MYO5A: variants seen among roughly 807,000 people sequenced by gnomAD.
MYO5A encodes unconventional myosin-Va.
MYO5A carries 98 observed loss-of-function variants against 249.7 expected under a neutral mutation model. The ratio of observed to expected loss-of-function variants is 0.39; its 90% CI spans 0.33 to 0.46. The LOEUF (loss-of-function observed/expected upper bound fraction) is 0.46. Ranked by LOEUF, MYO5A falls within the 20% of genes least tolerant of loss-of-function variation. MYO5A has a pLI of 0.98. For synonymous variants in MYO5A, 778 were observed against 810.6 expected (o/e 0.96, Z 0.68); for missense variants, 1,696 against 2,308.8 (o/e 0.73, Z 5.44).
chr15:52,340,458 A>T, intron 31 of MYO5A, 64 bp from the exon 32 acceptor site: 8 of 1,381,258 alleles, frequency 5.8e-6, no homozygotes, highest in South Asian at 1.2e-5. Context: ...TAACGGGTGT[A>T]AGGCATCGTG....
Position 52,478,246 on chromosome 15 carries a change from C to T in MYO5A, c.28-44961G>A, listed in dbSNP as rs1375689616. Reference sequence around the variant, plus strand: ...ATATAATCTCGTGGTGTGCAGTTTGCTAAGAACGTTGGAAAAGTGCAGTAT... The same window carrying T: ...ATATAATCTCGTGGTGTGCAGTTTGTTAAGAACGTTGGAAAAGTGCAGTAT... On this transcript the variant is annotated intron_variant, in intron 1 of 41. Transcript: ENST00000399233. Among the ~76,000 whole-genome samples, 6 of 152,196 alleles carry T rather than the reference C, an allele frequency of 3.9e-5. No individual in the cohort carries two copies. The East Asian group carries it at 1.2e-3, about 29-fold the overall frequency.
chr15:52,499,575 A>C (rs2077111795), intron 1 of MYO5A, among the ~76,000 whole-genome samples: 1 of 152,194 alleles, frequency 6.6e-6, no homozygotes, highest in South Asian at 2.1e-4. Flanking sequence ...ATGTAAGTAG[A>C]ATCACACAGT....
intron 23 of MYO5A, among the ~76,000 whole-genome samples, chr15:52,365,398 G>T (rs76494383): frequency 7.9e-5 from 12 of 152,308 alleles, no homozygotes; most frequent in African/African-American, 2.9e-4. Flanking sequence ...GCTAGGACAT[G>T]ATCTGGAGAT....
intron 1 of MYO5A, chr15:52,505,240 T>C (rs967990595): frequency 1.7e-5 from 13 of 774,652 alleles, no homozygotes; most frequent in Non-Finnish European, 3.1e-5. Flanking sequence ...GCTCAATGAT[T>C]ACCTGACAGA....
At chr15:52,514,532 G>A (rs1055977823) in intron 1 of MYO5A, among the ~76,000 whole-genome samples, 4 of 152,200 alleles carry the variant, frequency 2.6e-5, no homozygotes, top group Non-Finnish European at 4.4e-5. Flanking sequence ...ATCAGAAGAA[G>A]GCAAAGTTGG....
chr15:52,346,781 T>C (rs999242177), intron 29 of MYO5A, among the ~76,000 whole-genome samples: 1 of 151,048 alleles, frequency 6.6e-6, no homozygotes, highest in African/African-American at 2.4e-5. Context: ...AAAAAATATA[T>C]ATATATTTTA....
chr15:52,470,112 A>G (rs2076429516), intron 1 of MYO5A, among the ~76,000 whole-genome samples: 1 of 152,228 alleles, frequency 6.6e-6, no homozygotes, highest in African/African-American at 2.4e-5. Flanking sequence ...GGCACCTTCA[A>G]TGGTGTAATC....
In MYO5A at chr15:52,430,663, T is replaced by C. The variant is rs145613754; in HGVS notation, c.139-2094A>G. 4.0e-4 allele frequency among the ~76,000 whole-genome samples: 61 copies of C among 152,356 alleles called. 1 individual carries two copies. Among genetic ancestry groups the C allele is most frequent in the African/African-American group, 1.2e-3 (51 of 41,602 alleles). On this transcript the variant is annotated intron_variant, in intron 2 of 41. Coordinates refer to ENST00000399233, the MANE Select transcript of MYO5A (RefSeq NM_001382347.1). Reference sequence around the variant, plus strand: ...TAGTCTTGCTTTTATTAAAGGTATGTATCATTCTATTTCTAGATTTTTAAA... The same window carrying C: ...TAGTCTTGCTTTTATTAAAGGTATGCATCATTCTATTTCTAGATTTTTAAA...
chr15:52,344,701 C>T (rs897192676), intron 30 of MYO5A, among the ~76,000 whole-genome samples: 6 of 152,220 alleles, frequency 3.9e-5, no homozygotes, highest in African/African-American at 1.4e-4. Flanking sequence ...AATCTCATCA[C>T]ACCATTCTCC....
At chr15:52,397,539 A>G in intron 9 of MYO5A, 73 bp from the exon 10 acceptor site, 4 of 1,528,708 alleles carry the variant, frequency 2.6e-6, no homozygotes, top group Non-Finnish European at 2.7e-6. Context: ...ATGTTAACAA[A>G]GAGTTAACAA....
chr15:52,506,992 T>C (rs2077285308), intron 1 of MYO5A, among the ~76,000 whole-genome samples: 1 of 152,244 alleles, frequency 6.6e-6, no homozygotes, highest in African/African-American at 2.4e-5. Flanking sequence ...AGAGTATATA[T>C]ACAAACAAAT....
intron 32 of MYO5A, 122 bp downstream of exon 32, chr15:52,340,073 AG>A: frequency 1.0e-6 from 1 of 952,536 alleles, no homozygotes; most frequent in Non-Finnish European, 1.7e-6. Context: ...CTGGAGTAAG[AG>A]GGGTAACAAG....
rs2040716379 is a variant in MYO5A, at chr15:52,364,543, G to A, written c.3309+11C>T. The A allele has an allele frequency of 1.9e-6, 3 of 1,602,048 alleles. No individual in the cohort carries two copies. In the South Asian group the frequency reaches 3.4e-5, roughly 18 times the overall value. ...TTTTCATTAAAAAAAAAACAAAAGT[G>A]TTTGACTCACCACCATAAGGGTCAT... On this transcript the variant is annotated intron_variant, in intron 24 of 41. Coordinates refer to ENST00000399233, the MANE Select transcript of MYO5A (RefSeq NM_001382347.1).
intron 6 of MYO5A, among the ~76,000 whole-genome samples, chr15:52,409,031 G>A (rs975785727): frequency 3.3e-5 from 5 of 152,032 alleles, no homozygotes; most frequent in Non-Finnish European, 1.5e-5. Context: ...GTACATAAAG[G>A]ACAATACAAG....
At chr15:52,322,117 C>A (rs1187072865) in intron 37 of MYO5A, among the ~76,000 whole-genome samples, 3 of 152,214 alleles carry the variant, frequency 2.0e-5, no homozygotes, top group Admixed American at 1.3e-4. Context: ...CAGTTTAACA[C>A]GTTGTTTGCC....
At chr15:52,314,290 G>A in intron 40 of MYO5A, 87 bp from the exon 41 acceptor site, 8 of 988,374 alleles carry the variant, frequency 8.1e-6, no homozygotes, top group Non-Finnish European at 1.3e-5. Context: ...AAGGATCTGT[G>A]CGTACAGATT....
At chr15:52,340,773 C>T (rs975666668) in intron 31 of MYO5A, among the ~76,000 whole-genome samples, 2 of 151,838 alleles carry the variant, frequency 1.3e-5, no homozygotes, top group South Asian at 2.1e-4. Context: ...ATAGCGAAAC[C>T]CCATCTCTAC....
At chr15:52,344,946 T>C (rs2039547466) in intron 30 of MYO5A, among the ~76,000 whole-genome samples, 1 of 152,228 alleles carries the variant, frequency 6.6e-6, no homozygotes, top group South Asian at 2.1e-4. Flanking sequence ...TATTAACACA[T>C]TCTTAGATAT....
chr15:52,370,107 T>C, intron 22 of MYO5A, 62 bp downstream of exon 22: 1 of 1,604,912 alleles, frequency 6.2e-7, no homozygotes, highest in Non-Finnish European at 8.5e-7. Flanking sequence ...ACGGACCAAG[T>C]CATGATGACA....
Sources: allele counts gnomAD v4.1 joint callset (sites outside exome capture counted in the v4.1 genomes callset), GRCh38; gene constraint gnomAD v4.1.1; transcripts MANE v1.5; gene names NCBI Gene and HGNC (gene_info 2026-07-23, HGNC 2026-07-21).